OXSR1: variants seen among roughly 807,000 people sequenced by gnomAD.
OXSR1 encodes the protein oxidative stress responsive kinase 1.
Under a neutral mutation model 79.8 loss-of-function variants are expected in OXSR1, and 24 were observed. The ratio of observed to expected loss-of-function variants is 0.30; its 90% confidence interval spans 0.22 to 0.42. OXSR1 has a LOEUF of 0.42. Among genes scored for constraint, OXSR1 ranks in the 10% least tolerant of loss-of-function variants. The pLI is 1.00. For missense variants in OXSR1, 430 were observed against 618.4 expected (o/e 0.70, Z 3.23); for synonymous variants, 226 against 209.2 (o/e 1.08, Z -0.69).
Position 38,183,031 on chromosome 3 carries a change from A to T in OXSR1, c.99A>T (p.Ala33=). The change falls in exon 2 of 18, where the codon GCA becomes GCT. Residue 33 remains alanine (A), a synonymous_variant. Coordinates refer to ENST00000311806, the MANE Select transcript of OXSR1 (RefSeq NM_005109.3). The part of the protein sequence containing the change: ...IGSGATAVVQ[A]AYCAPKKEKV... ...GTGGAGCAACTGCTGTAGTCCAAGC[A>T]GCTTATTGTGCCCCTAAAAAGGAGA... is the stretch of plus-strand genomic sequence containing the variant. 6.2e-7 allele frequency: 1 copy of T among 1,612,824 alleles called. No individual in the cohort carries two copies. Among genetic ancestry groups the T allele is most frequent in the Non-Finnish European group, 8.5e-7 (1 of 1,179,258 alleles).
chr3:38,168,109 C>A (rs1321249223), intron 1 of OXSR1, among the ~76,000 whole-genome samples: 1 of 152,044 alleles, frequency 6.6e-6, no homozygotes, highest in African/African-American at 2.4e-5. Context: ...GGTTAGTGTT[C>A]CTCACATTCA....
At chr3:38,229,604 T>A in intron 8 of OXSR1, 83 bp from the exon 9 acceptor site, 1 of 1,211,206 alleles carries the variant, frequency 8.3e-7, no homozygotes, top group Non-Finnish European at 1.2e-6. Flanking sequence ...TGAAAAAAAT[T>A]TTTTCTCATT....
chr3:38,241,825 T>C (rs1216466650), intron 11 of OXSR1, among the ~76,000 whole-genome samples: 2 of 151,278 alleles, frequency 1.3e-5, no homozygotes, highest in East Asian at 1.9e-4. Flanking sequence ...AAAAAAAAGG[T>C]TTTGGGTTGG....
At chr3:38,200,493 G>A (rs1483677464) in intron 4 of OXSR1, among the ~76,000 whole-genome samples, 1 of 152,094 alleles carries the variant, frequency 6.6e-6, no homozygotes, top group African/African-American at 2.4e-5. Flanking sequence ...TTTTATGATT[G>A]TCTGTTGGAT....
At chr3:38,201,349 C>G (rs374077507) in intron 4 of OXSR1, among the ~76,000 whole-genome samples, 2 of 151,626 alleles carry the variant, frequency 1.3e-5, no homozygotes, top group African/African-American at 4.8e-5. Flanking sequence ...ATTGCTTGAG[C>G]CCAGGAGTTT....
rs1703310755 is a variant in OXSR1 at position 38,253,986 on chromosome 3, TGA to T, written c.*1096_*1097del. On this transcript the variant is annotated 3_prime_UTR_variant, in exon 18 of 18. Coordinates refer to ENST00000311806, the MANE Select transcript of OXSR1 (RefSeq NM_005109.3). ...GTTTTATGAGTAGACAGTGTTCATT[TGA>T]TTTTCTACAGAAATAATATAAATTA... 2.6e-6 allele frequency: 1 copy of T among 387,620 alleles called. No homozygotes were observed. Among genetic ancestry groups the T allele is most frequent in the South Asian group, 1.4e-4 (1 of 6,922 alleles). The allele number at this position is 387,620 out of a possible 1,614,324, so 24.0% of individuals were successfully genotyped here. A position where few individuals can be genotyped will look rare whatever the true frequency, so the allele number is the denominator to read the frequency against.
intron 4 of OXSR1, among the ~76,000 whole-genome samples, chr3:38,202,060 T>A (rs1220355350): frequency 6.6e-6 from 1 of 152,182 alleles, no homozygotes; most frequent in Non-Finnish European, 1.5e-5. Context: ...GGATTAGTGA[T>A]CTTTGAAGTT....
chr3:38,201,235 T>C (rs1464102491), intron 4 of OXSR1, among the ~76,000 whole-genome samples: 1 of 152,144 alleles, frequency 6.6e-6, no homozygotes, highest in East Asian at 1.9e-4. Context: ...TGCTGGTATC[T>C]TCCTGCCTTT....
intron 1 of OXSR1, among the ~76,000 whole-genome samples, chr3:38,176,188 A>G (rs1398615405): frequency 1.3e-5 from 2 of 152,122 alleles, no homozygotes; most frequent in Non-Finnish European, 1.5e-5. Context: ...GATATTTTCT[A>G]TTTGATCCTA....
At chr3:38,242,582 G>C (rs1200824770) in intron 11 of OXSR1, among the ~76,000 whole-genome samples, 161 bp from the exon 12 acceptor site, 4 of 152,160 alleles carry the variant, frequency 2.6e-5, no homozygotes, top group African/African-American at 7.2e-5. Context: ...TATCATGACA[G>C]TTATTTTTTC....
chr3:38,215,517 C>T (rs767220203), intron 4 of OXSR1, among the ~76,000 whole-genome samples: 6 of 152,106 alleles, frequency 3.9e-5, no homozygotes, highest in Non-Finnish European at 8.8e-5. Context: ...GATATGTCAT[C>T]GGTATATAGT....
upstream of OXSR1, among the ~76,000 whole-genome samples, chr3:38,164,606 T>C (rs890346763): frequency 2.0e-5 from 3 of 152,120 alleles, no homozygotes; most frequent in Admixed American, 6.5e-5. Flanking sequence ...CGGCCGTACG[T>C]AGTCAAACTG....
At chr3:38,216,039 AT>A in intron 4 of OXSR1, 56 bp from the exon 5 acceptor site, 1 of 1,056,806 alleles carries the variant, frequency 9.5e-7, no homozygotes, top group Admixed American at 2.2e-5. Flanking sequence ...TGCTTAAATT[AT>A]GTTACTCCAA....
intron 8 of OXSR1, among the ~76,000 whole-genome samples, chr3:38,225,703 A>T (rs1003287638): frequency 3.3e-5 from 5 of 152,186 alleles, no homozygotes; most frequent in South Asian, 2.1e-4. Context: ...TATCCAACTT[A>T]AAGATTCTCA....
intron 11 of OXSR1, among the ~76,000 whole-genome samples, chr3:38,242,438 G>T (rs971777697): frequency 1.3e-5 from 2 of 152,132 alleles, no homozygotes; most frequent in African/African-American, 4.8e-5. Context: ...TTAGTAGAAA[G>T]AATTTTACTT....
intron 5 of OXSR1, among the ~76,000 whole-genome samples, chr3:38,216,446 T>G (rs1349507838): frequency 6.6e-6 from 1 of 152,178 alleles, no homozygotes; most frequent in African/African-American, 2.4e-5. Context: ...GTACTTTCCT[T>G]TAAAGGAAAA....
At chr3:38,250,050 G>C in intron 15 of OXSR1, 32 bp downstream of exon 15, 1 of 1,354,196 alleles carries the variant, frequency 7.4e-7, no homozygotes, top group Non-Finnish European at 1.1e-6. Flanking sequence ...AAACAAAATA[G>C]CTTCCAATTT....
At chr3:38,165,132 G>A (rs1176551304), upstream of OXSR1, 1 of 152,306 alleles carries the variant, frequency 6.6e-6, no homozygotes, top group African/African-American at 2.4e-5. Flanking sequence ...TAAGAGCCTG[G>A]AGGCGGGACC....
intron 10 of OXSR1, among the ~76,000 whole-genome samples, chr3:38,235,044 G>C (rs896386194): frequency 6.6e-6 from 1 of 152,132 alleles, no homozygotes; most frequent in Non-Finnish European, 1.5e-5. Flanking sequence ...CAAATGTAAA[G>C]AGACAGAAAG....
Sources: allele counts gnomAD v4.1 joint callset (sites outside exome capture counted in the v4.1 genomes callset), GRCh38; gene constraint gnomAD v4.1.1; transcripts MANE v1.5; gene names NCBI Gene and HGNC (gene_info 2026-07-23, HGNC 2026-07-21).